Variants in SOX13 observed in about 807,000 individuals in gnomAD.
SOX13 encodes transcription factor SOX-13.
SOX13 carries 28 observed loss-of-function variants against 71.8 expected under a neutral mutation model. That is an observed-to-expected ratio of 0.39 (90% CI 0.29 to 0.53). The LOEUF (loss-of-function observed/expected upper bound fraction) is 0.53, where lower values mean the gene tolerates loss of function less well. Ranked by LOEUF, SOX13 falls within the 20% of genes least tolerant of loss-of-function variation. The probability of loss-of-function intolerance (pLI) is 0.70; values close to 1 mark genes in which losing one functional copy is unlikely to be tolerated. For missense variants in SOX13, 627 were observed against 810.3 expected, an observed-to-expected ratio of 0.77 and a Z score of 2.75; for synonymous variants, 309 against 317.8, an observed-to-expected ratio of 0.97 and a Z score of 0.29.
intron 1 of SOX13, among the ~76,000 whole-genome samples, chr1:204,094,501 A>G (rs903518794): frequency 3.3e-5 from 5 of 152,140 alleles, no homozygotes; most frequent in Non-Finnish European, 7.4e-5. Context: ...TCGGGTCAGG[A>G]CTGCAGGCAG....
intron 1 of SOX13, among the ~76,000 whole-genome samples, chr1:204,087,151 T>G (rs922325416): frequency 1.3e-5 from 2 of 152,208 alleles, no homozygotes; most frequent in African/African-American, 2.4e-5. Flanking sequence ...CTCGATTTCC[T>G]GACCTTGTGA....
chr1:204,091,229 G>A (rs535495125), intron 1 of SOX13, among the ~76,000 whole-genome samples: 84 of 152,250 alleles, frequency 5.5e-4, no homozygotes, highest in Middle Eastern at 6.8e-3. Context: ...GCCACCCTGG[G>A]AAAAAGACAA....
chr1:204,101,392 C>T (rs1046577927), intron 1 of SOX13, among the ~76,000 whole-genome samples: 4 of 151,502 alleles, frequency 2.6e-5, no homozygotes, highest in Admixed American at 6.6e-5. Context: ...GATGGCTGGG[C>T]GCGGTGGCTA....
intron 1 of SOX13, among the ~76,000 whole-genome samples, chr1:204,094,819 C>G (rs1462289919): frequency 6.6e-6 from 1 of 152,152 alleles, no homozygotes; most frequent in Admixed American, 6.5e-5. Flanking sequence ...AAAATGGAAG[C>G]ATCAAATGAA....
In SOX13 at chr1:204,081,167, C is replaced by T. The variant is rs898002377; in HGVS notation, c.-2+7456C>T. Among the ~76,000 whole-genome samples, 26 of 152,098 alleles carry T rather than the reference C, an allele frequency of 1.7e-4. No homozygotes were observed. Among genetic ancestry groups the T allele is most frequent in the African/African-American group, 5.8e-4 (24 of 41,430 alleles). On this transcript the variant is annotated intron_variant, in intron 1 of 13. Transcript: ENST00000367204. This position sits in a 1 kb window ranked among gnomAD's most constrained non-coding sequence, Gnocchi z 4.3. ...ACCTCAGGTGATCCGCCTGCTTTGGCCTCCCGAAGTGCTGGGATTACAGGC... is the reference window on the plus strand; with the variant it reads ...ACCTCAGGTGATCCGCCTGCTTTGGTCTCCCGAAGTGCTGGGATTACAGGC...
intron 1 of SOX13, among the ~76,000 whole-genome samples, chr1:204,077,968 C>T (rs1465349052): frequency 9.9e-5 from 15 of 152,232 alleles, no homozygotes; most frequent in Admixed American, 5.2e-4. Flanking sequence ...TGTGCCACCA[C>T]ACCTGGCTAA....
Position 204,116,527 on chromosome 1 carries a change from GAGA to G in SOX13, c.442_444del (p.Lys148del). 6.2e-7 allele frequency: 1 copy of G among 1,614,008 alleles called. No homozygotes were observed. The highest frequency in any genetic ancestry group is 2.2e-5 in the East Asian group (1 of 44,882). ...AGCAGGGACCCAAGAGAGCCTAGCA[GAGA>G]AGGAGCTCCAGCTTCTGGTCATGAT... On this transcript the variant is annotated inframe_deletion, in exon 5 of 14. Transcript: ENST00000367204.
intron 1 of SOX13, among the ~76,000 whole-genome samples, chr1:204,112,486 C>A (rs1656598198): frequency 7.1e-6 from 1 of 140,646 alleles, no homozygotes; most frequent in African/African-American, 2.6e-5. Context: ...TGCACAGACA[C>A]ATGCACACAT....
chr1:204,100,639 G>A (rs73069928), intron 1 of SOX13, among the ~76,000 whole-genome samples: 10,282 of 152,184 alleles, frequency 0.068, 1,047 homozygotes, highest in African/African-American at 0.22. Context: ...CTTTAGTGGC[G>A]GGCTTGGCTG....
At chr1:204,114,273 TG>T in intron 2 of SOX13, 47 bp from the exon 3 acceptor site, 2 of 1,313,418 alleles carry the variant, frequency 1.5e-6, no homozygotes, top group African/African-American at 1.5e-5. Context: ...CCCTGCAGCC[TG>T]TCCCCTTCTC....
At chr1:204,074,678 G>T (rs1405534014) in intron 1 of SOX13, among the ~76,000 whole-genome samples, 1 of 152,232 alleles carries the variant, frequency 6.6e-6, no homozygotes, top group East Asian at 1.9e-4. Flanking sequence ...GACAAGAGAC[G>T]TGGGGGTTGC....
In SOX13 at chr1:204,122,346, G is replaced by A; in HGVS notation, c.971G>A (p.Ser324Asn). The stretch of plus-strand genomic sequence containing the variant: ...AGCAGCTGTGTGCCCCGCCCCCCCA[G>A]CCATGGAGGCCCCACGCGGGACCTG... ...KMSSCVPRPP[S>N]HGGPTRDLQS... Residue 324 changes from serine (S) to asparagine (N), a missense_variant, in exon 9 of 14, where the codon AGC becomes AAC. Ser to Asn is a conservative substitution (Grantham distance 46). Coordinates refer to ENST00000367204, the MANE Select transcript of SOX13 (RefSeq NM_005686.3). The A allele has an allele frequency of 2.6e-6, 4 of 1,564,754 alleles. No homozygotes were observed. The highest frequency in any genetic ancestry group is 1.9e-5 in the Admixed American group (1 of 53,394).
intron 1 of SOX13, among the ~76,000 whole-genome samples, chr1:204,096,342 C>G (rs767708674): frequency 6.8e-6 from 1 of 147,326 alleles, no homozygotes; most frequent in Non-Finnish European, 1.5e-5. Flanking sequence ...TGGGCTCAAG[C>G]GATCCTCCCA....
At position 204,126,901 on chromosome 1, in the gene SOX13, GTC is replaced by G. The variant is rs1656933770; in HGVS notation, c.*773_*774del. The G allele has an allele frequency of 6.5e-6, 1 of 153,182 alleles. No individual in the cohort carries two copies. Among genetic ancestry groups the G allele is most frequent in the Non-Finnish European group, 1.5e-5 (1 of 68,566 alleles). 9.5% of individuals were successfully genotyped at this position (153,182 alleles called of 1,614,324 possible). On this transcript the variant is annotated 3_prime_UTR_variant, in exon 14 of 14. Coordinates refer to ENST00000367204, the MANE Select transcript of SOX13 (RefSeq NM_005686.3). Reference sequence around the variant, plus strand: ...TGCATTTCTGTCTCTCTCTGTCCTCGTCTCTCTGCAAGGCCCTCTATTTCTCT... The same window carrying G: ...TGCATTTCTGTCTCTCTCTGTCCTCGTCTCTGCAAGGCCCTCTATTTCTCT...
At chr1:204,121,236 C>G (rs1656798231) in intron 7 of SOX13, among the ~76,000 whole-genome samples, 4 of 152,156 alleles carry the variant, frequency 2.6e-5, no homozygotes, top group African/African-American at 7.2e-5. Flanking sequence ...ATCCACCCAC[C>G]TTGTCCTCCC....
chr1:204,076,322 A>T (rs1030279236), intron 1 of SOX13, among the ~76,000 whole-genome samples: 1 of 152,110 alleles, frequency 6.6e-6, no homozygotes, highest in African/African-American at 2.4e-5. Context: ...AGAGCCTGTC[A>T]GGTGTCTGGG....
At chr1:204,113,421 G>A (rs1002731826) in intron 2 of SOX13, among the ~76,000 whole-genome samples, 17 of 152,172 alleles carry the variant, frequency 1.1e-4, no homozygotes, top group African/African-American at 4.1e-4. Context: ...GGACTAGATG[G>A]GGAGATGGGA....
chr1:204,097,310 G>A (rs1216870872), intron 1 of SOX13, among the ~76,000 whole-genome samples: 1 of 152,216 alleles, frequency 6.6e-6, no homozygotes, highest in Non-Finnish European at 1.5e-5. Flanking sequence ...CATTAAATAT[G>A]GCTTTATGAA....
chr1:204,125,185 T>A (rs957645161), intron 13 of SOX13, among the ~76,000 whole-genome samples: 27 of 152,124 alleles, frequency 1.8e-4, no homozygotes, highest in Non-Finnish European at 2.9e-5. Context: ...AATCAAAGTA[T>A]TCATCACACA....
Sources: gnomAD v4.1 joint callset for allele counts (sites outside exome capture counted in the v4.1 genomes callset) on GRCh38, gnomAD v4.1.1 for gene constraint, Gnocchi (gnomAD v3.1) non-coding constraint, MANE v1.5 for transcripts, NCBI Gene and HGNC (gene_info 2026-07-23, HGNC 2026-07-21) for gene names.